Variants in DNAH8 observed in about 807,000 individuals in gnomAD.
DNAH8 encodes axonemal beta dynein heavy chain 8.
In DNAH8, 382 loss-of-function variants were observed where a neutral mutation model predicts 562.1. That is an observed-to-expected ratio of 0.68 (90% CI 0.63 to 0.74). The LOEUF (loss-of-function observed/expected upper bound fraction) is 0.74. Among genes scored for constraint, DNAH8 ranks in the 30% least tolerant of loss-of-function variants. The pLI, the probability that DNAH8 is intolerant of heterozygous loss-of-function variation, is 0.00. For missense variants in DNAH8, 5,203 were observed against 5,620.4 expected, an observed-to-expected ratio of 0.93 and a Z score of 2.37; for synonymous variants, 1,881 against 1,919.4, an observed-to-expected ratio of 0.98 and a Z score of 0.52.
rs866807838 is a variant in DNAH8 at position 38,899,318 on chromosome 6, G to T, written c.9064-458G>T. On this transcript the variant is annotated intron_variant, in intron 61 of 92. Coordinates refer to ENST00000327475, the MANE Select transcript of DNAH8 (RefSeq NM_001206927.2). The stretch of plus-strand genomic sequence containing the variant: ...AGAATTATGGTACTTAAAAAAATTT[G>T]TTGGCAGAGATATGATAGAGTTAGT... 5.3e-5 allele frequency among the ~76,000 whole-genome samples: 8 copies of T among 152,188 alleles called. No individual in the cohort carries two copies. In the South Asian group the frequency reaches 1.4e-3, roughly 28 times the overall value.
chr6:38,743,014 T>TGC (rs1267619757), intron 8 of DNAH8, among the ~76,000 whole-genome samples: 1 of 142,754 alleles, frequency 7.0e-6, no homozygotes, highest in Non-Finnish European at 1.5e-5. Context: ...GTGCTTTTTT[T>TGC]TTTTTTTTTT....
intron 13 of DNAH8, among the ~76,000 whole-genome samples, chr6:38,776,376 C>T (rs945201327): frequency 7.9e-5 from 12 of 152,054 alleles, no homozygotes; most frequent in African/African-American, 2.7e-4. Flanking sequence ...TGCCACCACG[C>T]CTGGTTAATT....
intron 82 of DNAH8, among the ~76,000 whole-genome samples, chr6:38,953,585 G>A (rs1762060504): frequency 6.6e-6 from 1 of 152,016 alleles, no homozygotes; most frequent in Non-Finnish European, 1.5e-5. Flanking sequence ...ACATAGATTT[G>A]GCTTTAACAC....
At chr6:38,792,882 G>T (rs909290576) in intron 21 of DNAH8, among the ~76,000 whole-genome samples, 2 of 152,054 alleles carry the variant, frequency 1.3e-5, no homozygotes, top group African/African-American at 4.8e-5. Context: ...GGGCTCAAGT[G>T]ATCTTCCCAT....
chr6:38,766,551 A>G (rs1767019746), intron 11 of DNAH8, among the ~76,000 whole-genome samples: 1 of 152,260 alleles, frequency 6.6e-6, no homozygotes, highest in East Asian at 1.9e-4. Flanking sequence ...CATTGGTGCC[A>G]TCTCAGCTCA....
At chr6:38,873,207 T>G in intron 51 of DNAH8, 29 bp from the exon 52 acceptor site, 1 of 1,612,764 alleles carries the variant, frequency 6.2e-7, no homozygotes, top group East Asian at 2.2e-5. Context: ...ACTTTCTCAA[T>G]AAACACAGAT....
At chr6:38,747,460 C>G (rs754770721) in intron 8 of DNAH8, among the ~76,000 whole-genome samples, 89 of 147,210 alleles carry the variant, frequency 6.0e-4, no homozygotes, top group Non-Finnish European at 9.0e-4. Flanking sequence ...GATCTTGGCT[C>G]ACTGCAACCT....
intron 88 of DNAH8, among the ~76,000 whole-genome samples, chr6:38,998,277 A>G (rs1765272249): frequency 6.6e-6 from 1 of 152,140 alleles, no homozygotes; most frequent in African/African-American, 2.4e-5. Flanking sequence ...AATAAGTAAA[A>G]TCTCTCTCAA....
chr6:38,934,922 G>T (rs1242773961), intron 76 of DNAH8, among the ~76,000 whole-genome samples: 1 of 152,134 alleles, frequency 6.6e-6, no homozygotes. Flanking sequence ...CTAAGTGAAG[G>T]CTATATGAAA....
In DNAH8 at chr6:38,935,628, G is replaced by A. The variant is rs1041536409; in HGVS notation, c.11494G>A (p.Val3832Ile). 2.5e-6 allele frequency: 4 copies of A among 1,613,208 alleles called. No homozygotes were observed. The highest frequency in any genetic ancestry group is 3.4e-6 in the Non-Finnish European group (4 of 1,179,720). ...EAERVKLLED[V>I]TFNKRKMKEL... ...TGAGAGGGTTAAACTTTTGGAGGATGTTACTTTTAATAAGCGGAAGATGAA... is the reference window on the plus strand; with the variant it reads ...TGAGAGGGTTAAACTTTTGGAGGATATTACTTTTAATAAGCGGAAGATGAA... Residue 3832 changes from valine to isoleucine, a missense_variant, in exon 77 of 93, where the codon GTT becomes ATT. Val to Ile is a conservative substitution (Grantham distance 29, BLOSUM62 3). Around this residue, in one of 6 missense-constraint regions of DNAH8, gnomAD observed 1,399 missense variants for 1,518.4 expected, o/e 0.92. Transcript: ENST00000327475.
Position 38,918,043 on chromosome 6 carries a change from G to A in DNAH8, c.10427G>A (p.Ser3476Asn), listed in dbSNP as rs1417538042. The change falls in exon 70 of 93, where the codon AGT becomes AAT. Residue 3476 changes from serine (S) to asparagine (N), a missense_variant. Ser to Asn is a conservative substitution (Grantham distance 46). Coordinates refer to ENST00000327475, the MANE Select transcript of DNAH8 (RefSeq NM_001206927.2). Reference protein sequence around the residue: ...YFNMDDYTFESAKKVCGNVAG... With the variant: ...YFNMDDYTFENAKKVCGNVAG... ...AATATGGATGATTATACTTTTGAAAGTGCCAAAAAAGTCTGTGGGAATGTG... is the reference window on the plus strand; with the variant it reads ...AATATGGATGATTATACTTTTGAAAATGCCAAAAAAGTCTGTGGGAATGTG... 1 of 1,613,712 alleles carries A rather than the reference G, an allele frequency of 6.2e-7. No homozygotes were observed. The highest frequency in any genetic ancestry group is 1.3e-5 in the African/African-American group (1 of 74,904).
chr6:38,811,262 T>C (rs986180028), intron 24 of DNAH8, among the ~76,000 whole-genome samples: 1 of 152,250 alleles, frequency 6.6e-6, no homozygotes, highest in African/African-American at 2.4e-5. Flanking sequence ...ACATAACTTA[T>C]TGTTCCAACT....
rs188195640 is a variant in DNAH8 at position 39,012,102 on chromosome 6, G to C, written c.13372-113G>C. The stretch of plus-strand genomic sequence containing the variant: ...GCAAGACATATTTTAGAATTCATTT[G>C]GGCTGGTAGAGATACATCTAGAGGA... On this transcript the variant is annotated intron_variant, in intron 89 of 92. Transcript: ENST00000327475. 4 of 690,970 alleles carry C rather than the reference G, an allele frequency of 5.8e-6. No homozygotes were observed. The East Asian group carries it at 1.1e-4, about 19-fold the overall frequency. 42.8% of individuals were successfully genotyped at this position (690,970 alleles called of 1,614,324 possible). A position where few individuals can be genotyped will look rare whatever the true frequency, so the allele number is the denominator to read the frequency against.
intron 12 of DNAH8, among the ~76,000 whole-genome samples, chr6:38,774,023 A>C (rs1015491413): frequency 6.6e-6 from 1 of 152,234 alleles, no homozygotes; most frequent in African/African-American, 2.4e-5. Context: ...CTAGTGTGTC[A>C]GTGTTAGGAT....
intron 91 of DNAH8, among the ~76,000 whole-genome samples, chr6:39,013,950 A>G (rs1766400169): frequency 6.6e-6 from 1 of 152,160 alleles, no homozygotes. Flanking sequence ...GATACTGGTT[A>G]TGTGGCTGAA....
At chr6:38,782,509 T>A (rs73420234) in intron 16 of DNAH8, among the ~76,000 whole-genome samples, 6,622 of 152,240 alleles carry the variant, frequency 0.043, 507 homozygotes, top group African/African-American at 0.15. Flanking sequence ...CTCCAACTCC[T>A]GACTTCAGGT....
rs148436066 is a variant in DNAH8 at position 38,918,501 on chromosome 6, G to A, written c.10524+361G>A. The stretch of plus-strand genomic sequence containing the variant: ...ATTTCAAACAAAACTTATAAAATTA[G>A]GTTTGACACCTAGAAAGGTTTTAAA... On this transcript the variant is annotated intron_variant, in intron 70 of 92. Transcript: ENST00000327475. Among the ~76,000 whole-genome samples the A allele has an allele frequency of 2.2e-3, 340 of 152,260 alleles. 2 individuals carry two copies. The highest frequency in any genetic ancestry group is 7.5e-3 in the African/African-American group (310 of 41,558).
chr6:38,741,070 C>G (rs1764482823), intron 7 of DNAH8, among the ~76,000 whole-genome samples: 1 of 152,108 alleles, frequency 6.6e-6, no homozygotes, highest in South Asian at 2.1e-4. Flanking sequence ...GTGATTGTGG[C>G]AAACTTATCA....
At chr6:38,749,056 T>C (rs935439260) in intron 8 of DNAH8, among the ~76,000 whole-genome samples, 2 of 152,032 alleles carry the variant, frequency 1.3e-5, no homozygotes. Context: ...AGAGTGATGT[T>C]GTGTGTGTCC....
Sources: gnomAD v4.1 joint callset for allele counts (sites outside exome capture counted in the v4.1 genomes callset) on GRCh38, gnomAD v4.1.1 for gene constraint, gnomAD v4.1.1 regional missense constraint, MANE v1.5 for transcripts, NCBI Gene and HGNC (gene_info 2026-07-23, HGNC 2026-07-21) for gene names.